The following JAK2 variants were observed in gnomAD, a reference collection of about 807,000 sequenced individuals.
JAK2 encodes the protein tyrosine-protein kinase JAK2.
In JAK2, 86 loss-of-function variants were observed where a neutral mutation model predicts 139.3. The observed-to-expected ratio is 0.62, with a 90% CI of 0.52 to 0.74. JAK2 has a LOEUF of 0.74. JAK2 is among the 30% of genes least tolerant of loss of function. JAK2 has a pLI of 0.00. For missense variants in JAK2, 1,421 were observed against 1,360.3 expected (o/e 1.04, Z -0.70); for synonymous variants, 490 against 437.7 (o/e 1.12, Z -1.49).
chr9:5,010,438 A>G (rs1821621987), intron 2 of JAK2, among the ~76,000 whole-genome samples: 1 of 151,956 alleles, frequency 6.6e-6, no homozygotes, highest in Non-Finnish European at 1.5e-5. Context: ...CTCCTGCCTC[A>G]GCCTCCCGTG....
chr9:5,068,995 CCTTT>C, intron 10 of JAK2, 23 bp from the exon 11 acceptor site: 1 of 1,338,206 alleles, frequency 7.5e-7, no homozygotes, highest in Non-Finnish European at 1.0e-6. Flanking sequence ...ACTATCCCTC[CCTTT>C]CTTTATAATT....
At position 5,054,697 on chromosome 9, in the gene JAK2, TGAAA is replaced by T; in HGVS notation, c.750_753del (p.Leu250PhefsTer6). 1 of 1,613,450 alleles carries T rather than the reference TGAAA, an allele frequency of 6.2e-7. No homozygotes were observed. Among genetic ancestry groups the T allele is most frequent in the Non-Finnish European group, 8.5e-7 (1 of 1,179,490 alleles). On this transcript the variant is annotated frameshift_variant, in exon 7 of 25. Coordinates refer to ENST00000381652, the MANE Select transcript of JAK2 (RefSeq NM_004972.4). LOFTEE classifies it high-confidence loss of function. The surrounding 1 kb of genome is among the most constrained non-coding windows in gnomAD (Gnocchi z 4.9). ...CAATGCAAAGCCACTGCCAGAAACT[TGAAA>T]CTTAAGTATCTTATAAATCTGGAAA... is the stretch of plus-strand genomic sequence containing the variant.
At position 5,064,972 on chromosome 9, in the gene JAK2, C is replaced by T. The variant is rs2130492803; in HGVS notation, c.1146C>T (p.Tyr382=). 2 of 1,609,694 alleles carry T rather than the reference C, an allele frequency of 1.2e-6. No individual in the cohort carries two copies. Among genetic ancestry groups the T allele is most frequent in the East Asian group, 2.2e-5 (1 of 44,652 alleles). ...GATTAACTGCAGATGCACATCATTA[C>T]CTCTGTAAAGAAGTAGCACCTCCAG... ...YYRLTADAHH[Y]LCKEVAPPAV... The change falls in exon 9 of 25, where the codon TAC becomes TAT. Residue 382 remains tyrosine (Y), a synonymous_variant. Transcript: ENST00000381652.
intron 4 of JAK2, among the ~76,000 whole-genome samples, chr9:5,037,114 C>T (rs112444301): frequency 2.5e-4 from 38 of 152,306 alleles, no homozygotes; most frequent in African/African-American, 8.9e-4. Flanking sequence ...AAATGCTCAT[C>T]ACCACTGGCC....
intron 19 of JAK2, chr9:5,086,171 G>A (rs1223531030): frequency 2.5e-6 from 1 of 406,512 alleles, no homozygotes; most frequent in Non-Finnish European, 3.6e-6. Context: ...TCTCCACGCC[G>A]CCGGTCTCCA....
intron 5 of JAK2, 31 bp downstream of exon 5, chr9:5,044,551 G>A (rs756760363): frequency 1.6e-6 from 2 of 1,274,432 alleles, no homozygotes; most frequent in Non-Finnish European, 2.2e-6. Flanking sequence ...TTGTACATGA[G>A]TTAAATGATA....
chr9:5,074,316 T>C (rs539556071), intron 14 of JAK2, among the ~76,000 whole-genome samples: 14 of 152,304 alleles, frequency 9.2e-5, no homozygotes, highest in Non-Finnish European at 1.6e-4. Context: ...CCTTGCTTTA[T>C]TGTGCTTCTT....
chr9:5,122,768 C>A (rs989325695), intron 22 of JAK2, among the ~76,000 whole-genome samples: 8 of 151,998 alleles, frequency 5.3e-5, no homozygotes, highest in African/African-American at 1.9e-4. Context: ...ATTGTTTGTA[C>A]AAACAATCTA....
At chr9:5,083,422 G>T (rs1819853868) in intron 19 of JAK2, among the ~76,000 whole-genome samples, 1 of 152,114 alleles carries the variant, frequency 6.6e-6, no homozygotes, top group Non-Finnish European at 1.5e-5. Flanking sequence ...TGTTAGTGTT[G>T]TCTGTTATTA....
chr9:4,999,934 T>C lies in JAK2; in HGVS notation c.-26+13912T>C, dbSNP rs140216313. On this transcript the variant is annotated intron_variant, in intron 2 of 24. Transcript: ENST00000381652. ...TAGATATTCTTGTTTTCCTCATATC[T>C]TTGCCAACACTGGGTATTGGCATTC... 4.7e-3 allele frequency among the ~76,000 whole-genome samples: 717 copies of C among 152,320 alleles called. 6 individuals are homozygous for C. Among genetic ancestry groups the C allele is most frequent in the African/African-American group, 0.016 (681 of 41,578 alleles).
At chr9:5,062,312 A>ATCAATAGTT (rs1818235875) in intron 8 of JAK2, among the ~76,000 whole-genome samples, 2 of 152,020 alleles carry the variant, frequency 1.3e-5, no homozygotes, top group Non-Finnish European at 2.9e-5. Flanking sequence ...TCTGAGGGAC[A>ATCAATAGTT]ACTGTACAAT....
At chr9:5,085,747 G>A in intron 19 of JAK2, 2 of 754,508 alleles carry the variant, frequency 2.7e-6, no homozygotes, top group East Asian at 2.5e-5. Context: ...GTGGCGCGCT[G>A]GCTAGCTTGC....
chr9:4,990,517 A>C (rs186129518), intron 2 of JAK2, among the ~76,000 whole-genome samples: 2 of 152,264 alleles, frequency 1.3e-5, no homozygotes, highest in African/African-American at 4.8e-5. Context: ...AGCGAAGTTA[A>C]GGCTGGTGCT....
chr9:5,097,839 T>C (rs571223391), intron 22 of JAK2: 176 of 152,352 alleles, frequency 1.2e-3, no homozygotes, highest in African/African-American at 4.0e-3. Flanking sequence ...TAGGAGGCTT[T>C]ACCACTGGTT....
chr9:5,005,141 G>T (rs1197426905), intron 2 of JAK2, among the ~76,000 whole-genome samples: 2 of 109,258 alleles, frequency 1.8e-5, no homozygotes, highest in East Asian at 2.9e-4. Context: ...TTAGGTACAG[G>T]GTCTCACTGT....
At chr9:5,073,859 AG>A (rs1239671177) in intron 14 of JAK2, 74 bp downstream of exon 14, 1 of 958,660 alleles carries the variant, frequency 1.0e-6, no homozygotes, top group Non-Finnish European at 1.6e-6. Context: ...ATTCAGTTTC[AG>A]GATCACAGCT....
chr9:5,104,413 CAAT>C (rs989207933), intron 22 of JAK2, among the ~76,000 whole-genome samples: 6 of 151,956 alleles, frequency 3.9e-5, no homozygotes, highest in African/African-American at 1.4e-4. Flanking sequence ...GAAATTGAGG[CAAT>C]AATAGCCTAC....
At chr9:5,079,639 A>T (rs1393388077) in intron 16 of JAK2, among the ~76,000 whole-genome samples, 3 of 152,034 alleles carry the variant, frequency 2.0e-5, no homozygotes, top group Non-Finnish European at 1.5e-5. Context: ...AGGATAAACT[A>T]TATAAAAAAA....
intron 7 of JAK2, 31 bp from the exon 8 acceptor site, chr9:5,055,638 C>T (rs776304975): frequency 9.4e-6 from 14 of 1,492,242 alleles, no homozygotes; most frequent in East Asian, 2.3e-5. Context: ...AAATTCTACC[C>T]GTTTTTAATT....
Sources: gnomAD v4.1 joint callset for allele counts (sites outside exome capture counted in the v4.1 genomes callset) on GRCh38, gnomAD v4.1.1 for gene constraint, Gnocchi (gnomAD v3.1) non-coding constraint, MANE v1.5 for transcripts, NCBI Gene and HGNC (gene_info 2026-07-23, HGNC 2026-07-21) for gene names.